The following OR7A17 variants were observed in gnomAD, a reference collection of about 807,000 sequenced individuals.
The protein encoded by OR7A17 is olfactory receptor 7A17.
For missense variants in OR7A17, 366 were observed against 365.5 expected (o/e 1.00, Z -0.01); for synonymous variants, 159 against 142.1 (o/e 1.12, Z -0.85).
At chr19:14,885,722 C>G (rs2045133090) in intron 1 of OR7A17, among the ~76,000 whole-genome samples, 1 of 152,056 alleles carries the variant, frequency 6.6e-6, no homozygotes, top group Non-Finnish European at 1.5e-5. Context: ...AGATTCAATG[C>G]TATCCCCATC....
In OR7A17 at chr19:14,880,258, A is replaced by AAAT; in HGVS notation, c.*167_*168insATT. 2.4e-6 allele frequency: 1 copy of AAAT among 412,502 alleles called. No homozygotes were observed. Among genetic ancestry groups the AAAT allele is most frequent in the Non-Finnish European group, 4.1e-6 (1 of 241,814 alleles). The allele number at this position is 412,502 out of a possible 1,614,324, so 25.6% of individuals were successfully genotyped here. A position where few individuals can be genotyped will look rare whatever the true frequency, so the allele number is the denominator to read the frequency against. On this transcript the variant is annotated 3_prime_UTR_variant, in exon 3 of 3. Transcript: ENST00000641113. ...TGGATATCAGAGAGCGGAAAGCTTT[A>AAAT]TAAAGGAATACATTAAATTCTATGT...
At chr19:14,885,560 C>A (rs1433940220) in intron 1 of OR7A17, among the ~76,000 whole-genome samples, 1 of 152,108 alleles carries the variant, frequency 6.6e-6, no homozygotes, top group Non-Finnish European at 1.5e-5. Flanking sequence ...GGAATATAAC[C>A]TACAAGGGAT....
rs903134476 is a variant in OR7A17, at chr19:14,881,466, C to T, written c.-111G>A. 4.7e-5 allele frequency: 30 copies of T among 644,006 alleles called. No individual in the cohort carries two copies. Among genetic ancestry groups the T allele is most frequent in the African/African-American group, 2.5e-4 (13 of 51,314 alleles). The allele number at this position is 644,006 out of a possible 1,614,324, so 39.9% of individuals were successfully genotyped here. A position where few individuals can be genotyped will look rare whatever the true frequency, so the allele number is the denominator to read the frequency against. On this transcript the variant is annotated 5_prime_UTR_variant, in exon 3 of 3. Coordinates refer to ENST00000641113, the MANE Select transcript of OR7A17 (RefSeq NM_030901.2). ...CTGGTCTGAACCTCCTGGACTCATG[C>T]GATCCTCCCACTTCAGCCTACAAAA...
Position 14,880,841 on chromosome 19 carries a change from A to G in OR7A17, c.515T>C (p.Leu172Ser). ...TTCACAGAAAAAGTGGGGGATTTCC[A>G]AGTCTGTGCAGAAGGACAGCCACAA... Reference protein sequence around the residue: ...MVLWLSFCTDLEIPHFFCELN... With the variant: ...MVLWLSFCTDSEIPHFFCELN... The change falls in exon 3 of 3, where the codon TTG (leucine) becomes TCG (serine). Residue 172 changes from leucine (L) to serine (S), a missense_variant. Transcript: ENST00000641113. The G allele has an allele frequency of 6.2e-7, 1 of 1,614,208 alleles. No homozygotes were observed. The highest frequency in any genetic ancestry group is 8.5e-7 in the Non-Finnish European group (1 of 1,180,032).
Position 14,881,200 on chromosome 19 carries a change from G to A in OR7A17, c.156C>T (p.Asp52=). 1.2e-6 allele frequency: 2 copies of A among 1,614,048 alleles called. No individual in the cohort carries two copies. The highest frequency in any genetic ancestry group is 1.7e-6 in the Non-Finnish European group (2 of 1,179,998). Residue 52 remains aspartate (D), a synonymous_variant, in exon 3 of 3, where the codon GAC becomes GAT. Transcript: ENST00000641113. ...NLLIILATIS[D]SHLHTPMYFF... ...AGTACATGGGGGTGTGGAGGTGGGA[G>A]TCTGAGATTGTGGCCAGGATGATGA...
rs2045111854 is a variant in OR7A17, at chr19:14,881,411, T to C, written c.-56A>G. 1.0e-6 allele frequency: 1 copy of C among 996,984 alleles called. No individual in the cohort carries two copies. Among genetic ancestry groups the C allele is most frequent in the Non-Finnish European group, 1.3e-6 (1 of 772,356 alleles). 61.8% of individuals were successfully genotyped at this position (996,984 alleles called of 1,614,324 possible). A position where few individuals can be genotyped will look rare whatever the true frequency, so the allele number is the denominator to read the frequency against. On this transcript the variant is annotated 5_prime_UTR_variant, in exon 3 of 3. An upstream start codon of the reference 5' UTR is lost. Transcript: ENST00000641113. ...TTATTTATTTATTTATTTATTAACA[T>C]AGACAGGGTCTCTCACTCTGTTGCC...
In OR7A17 at chr19:14,881,046, A is replaced by C. The variant is rs2045106930; in HGVS notation, c.310T>G (p.Phe104Val). 1 of 1,614,170 alleles carries C rather than the reference A, an allele frequency of 6.2e-7. No individual in the cohort carries two copies. The highest frequency in any genetic ancestry group is 8.5e-7 in the Non-Finnish European group (1 of 1,180,026). ...YAGCITQMCF[F>V]VLFGGLDSLL... ...CTGTCTAACCCTCCAAAAAGTACAA[A>C]AAAGCACATCTGGGTGATGCAGCCT... is the stretch of plus-strand genomic sequence containing the variant. Residue 104 changes from phenylalanine to valine, a missense_variant, in exon 3 of 3, where the codon TTT becomes GTT. Physicochemically the swap from Phe to Val is conservative, Grantham distance 50 (BLOSUM62 -1). Transcript: ENST00000641113.
rs778691950 is a variant in OR7A17, at chr19:14,881,351, TC to T, written c.4del (p.Glu2AsnfsTer109). The T allele has an allele frequency of 6.5e-6, 9 of 1,391,614 alleles. No homozygotes were observed. In the East Asian group the frequency reaches 2.0e-4, roughly 32 times the overall value. The allele number at this position is 1,391,614 out of a possible 1,614,324, so 86.2% of individuals were successfully genotyped here. On this transcript the variant is annotated frameshift_variant, in exon 3 of 3. Coordinates refer to ENST00000641113, the MANE Select transcript of OR7A17 (RefSeq NM_030901.2). LOFTEE classifies it low-confidence loss of function (END_TRUNC). Reference sequence around the variant, plus strand: ...TGAAATCCCTGTGTCATTCTCTGGTTCCATCTTTTTTTTTCTATTTATTTAT... The same window carrying T: ...TGAAATCCCTGTGTCATTCTCTGGTTCATCTTTTTTTTTCTATTTATTTAT... M[E>X]PENDTGISEF...
intron 1 of OR7A17, among the ~76,000 whole-genome samples, chr19:14,882,434 G>A (rs1370222757): frequency 6.6e-6 from 1 of 152,248 alleles, no homozygotes; most frequent in Non-Finnish European, 1.5e-5. Flanking sequence ...GTCTGTGCAA[G>A]GGGAAGGAAG....
At position 14,886,073 on chromosome 19, in the gene OR7A17, C is replaced by T. The variant is rs2045134536; in HGVS notation, c.-427G>A. The T allele has an allele frequency of 6.6e-6, 1 of 152,174 alleles. No individual in the cohort carries two copies. 9.4% of individuals were successfully genotyped at this position (152,174 alleles called of 1,614,324 possible). On this transcript the variant is annotated 5_prime_UTR_variant, in exon 1 of 3. It introduces an in-frame stop codon into an upstream open reading frame of the 5' UTR. Coordinates refer to ENST00000641113, the MANE Select transcript of OR7A17 (RefSeq NM_030901.2). Reference sequence around the variant, plus strand: ...AGTTGAAGCATCATCTATACTTGAGCCAGACTAAGGACTCCAAATGAAACC... The same window carrying T: ...AGTTGAAGCATCATCTATACTTGAGTCAGACTAAGGACTCCAAATGAAACC...
chr19:14,882,381 G>C (rs1013124875), intron 1 of OR7A17, among the ~76,000 whole-genome samples: 1 of 152,224 alleles, frequency 6.6e-6, no homozygotes, highest in African/African-American at 2.4e-5. Context: ...TGAACAGAGA[G>C]CAGAATGAAG....
chr19:14,881,902 T>C (rs1327890520), intron 1 of OR7A17, 31 bp from the exon 2 acceptor site: 1 of 152,206 alleles, frequency 6.6e-6, no homozygotes, highest in East Asian at 1.9e-4. Context: ...AGTTATTCCT[T>C]CTATCTAATT....
At position 14,880,365 on chromosome 19, in the gene OR7A17, A is replaced by G. The variant is rs767258028; in HGVS notation, c.*61T>C. 5 of 1,398,662 alleles carry G rather than the reference A, an allele frequency of 3.6e-6. No individual in the cohort carries two copies. Among genetic ancestry groups the G allele is most frequent in the Non-Finnish European group, 4.9e-6 (5 of 1,030,526 alleles). 86.6% of individuals were successfully genotyped at this position (1,398,662 alleles called of 1,614,324 possible). ...TTTCACAACCTGATTCGTGAATCAC[A>G]ATTTCTGAGTATGAGACTTAAAGCT... On this transcript the variant is annotated 3_prime_UTR_variant, in exon 3 of 3. Coordinates refer to ENST00000641113, the MANE Select transcript of OR7A17 (RefSeq NM_030901.2).
At position 14,880,963 on chromosome 19, in the gene OR7A17, G is replaced by T. The variant is rs142070285; in HGVS notation, c.393C>A (p.His131Gln). 4 of 1,614,186 alleles carry T rather than the reference G, an allele frequency of 2.5e-6. No individual in the cohort carries two copies. The highest frequency in any genetic ancestry group is 3.4e-6 in the Non-Finnish European group (4 of 1,180,032). Reference sequence around the variant, plus strand: ...GCCGAGGGTTCATGATGACTGTGTAGTGCAGAGGATGACAGATGGCCACAA... The same window carrying T: ...GCCGAGGGTTCATGATGACTGTGTATTGCAGAGGATGACAGATGGCCACAA... ...DRFVAICHPL[H>Q]YTVIMNPRLC... The change falls in exon 3 of 3, where the codon CAC becomes CAA. Residue 131 changes from histidine to glutamine, a missense_variant. By Grantham distance (24) the His-to-Gln change is conservative. Transcript: ENST00000641113.
In OR7A17 at chr19:14,880,951, G is replaced by A; in HGVS notation, c.405C>T (p.Ile135=). ...GGAGTCCACAGAGCCGAGGGTTCATGATGACTGTGTAGTGCAGAGGATGAC... is the reference window on the plus strand; with the variant it reads ...GGAGTCCACAGAGCCGAGGGTTCATAATGACTGTGTAGTGCAGAGGATGAC... The part of the protein sequence containing the change: ...AICHPLHYTV[I]MNPRLCGLLV... Residue 135 remains isoleucine (I), a synonymous_variant, in exon 3 of 3, where the codon ATC becomes ATT. Transcript: ENST00000641113. The A allele has an allele frequency of 6.2e-7, 1 of 1,614,180 alleles. No individual in the cohort carries two copies. The highest frequency in any genetic ancestry group is 8.5e-7 in the Non-Finnish European group (1 of 1,180,028).
rs889088884 is a variant in OR7A17 at position 14,880,247 on chromosome 19, C to T, written c.*179G>A. Reference sequence around the variant, plus strand: ...AAAAAAAAGATTGGATATCAGAGAGCGGAAAGCTTTATAAAGGAATACATT... The same window carrying T: ...AAAAAAAAGATTGGATATCAGAGAGTGGAAAGCTTTATAAAGGAATACATT... On this transcript the variant is annotated 3_prime_UTR_variant, in exon 3 of 3. Transcript: ENST00000641113. 15 of 352,104 alleles carry T rather than the reference C, an allele frequency of 4.3e-5. No individual in the cohort carries two copies. Among genetic ancestry groups the T allele is most frequent in the Admixed American group, 1.9e-4 (4 of 20,974 alleles). The allele number at this position is 352,104 out of a possible 1,614,324, so 21.8% of individuals were successfully genotyped here.
In OR7A17 at chr19:14,880,432, C is replaced by A. The variant is rs780761565; in HGVS notation, c.924G>T (p.Lys308Asn). 1 of 1,580,910 alleles carries A rather than the reference C, an allele frequency of 6.3e-7. No individual in the cohort carries two copies. Among genetic ancestry groups the A allele is most frequent in the Admixed American group, 1.9e-5 (1 of 53,754 alleles). ...KRALKMSFRGKQ is the reference protein window; with the variant it reads ...KRALKMSFRGNQ ...TTCTTGAAAAATGGCCCTTTTATTG[C>A]TTTCCTCTGAAGGACATTTTCAGAG... Residue 308 changes from lysine to asparagine, a missense_variant, in exon 3 of 3, where the codon AAG becomes AAT. Physicochemically the swap from Lys to Asn is moderately conservative, Grantham distance 94 (BLOSUM62 0). Coordinates refer to ENST00000641113, the MANE Select transcript of OR7A17 (RefSeq NM_030901.2).
In OR7A17 at chr19:14,880,635, A is replaced by C; in HGVS notation, c.721T>G (p.Cys241Gly). 6.2e-7 allele frequency: 1 copy of C among 1,614,220 alleles called. No homozygotes were observed. The highest frequency in any genetic ancestry group is 1.1e-5 in the South Asian group (1 of 91,088). ...AQGKYKAFST[C>G]ASHLSVVSLF... The stretch of plus-strand genomic sequence containing the variant: ...GAGACAACTGAGAGGTGTGATGCAC[A>C]GGTGGAAAATGCCTTGTACTTCCCC... The change falls in exon 3 of 3, where the codon TGT becomes GGT. Residue 241 changes from cysteine (C) to glycine (G), a missense_variant. Transcript: ENST00000641113.
Position 14,881,325 on chromosome 19 carries a change from C to T in OR7A17, c.31G>A (p.Glu11Lys), listed in dbSNP as rs1404293575. 1.3e-6 allele frequency: 2 copies of T among 1,571,228 alleles called. No individual in the cohort carries two copies. Among genetic ancestry groups the T allele is most frequent in the African/African-American group, 1.4e-5 (1 of 74,004 alleles). Residue 11 changes from glutamate (E) to lysine (K), a missense_variant, in exon 3 of 3, where the codon GAA becomes AAA. Coordinates refer to ENST00000641113, the MANE Select transcript of OR7A17 (RefSeq NM_030901.2). MEPENDTGISEFVLLGLSEEP... is the reference protein window; with the variant it reads MEPENDTGISKFVLLGLSEEP... The stretch of plus-strand genomic sequence containing the variant: ...TCAGAAAGTCCCAGAAGAACAAATT[C>T]TGAAATCCCTGTGTCATTCTCTGGT...
Sources: allele counts gnomAD v4.1 joint callset (sites outside exome capture counted in the v4.1 genomes callset), GRCh38; gene constraint gnomAD v4.1.1; transcripts MANE v1.5; gene names NCBI Gene and HGNC (gene_info 2026-07-23, HGNC 2026-07-21).